Variants in CASZ1 observed in about 807,000 individuals in gnomAD.
CASZ1 encodes the protein castor zinc finger 1, also known as zinc finger protein castor homolog 1.
CASZ1 carries 28 observed loss-of-function variants against 135.2 expected under a neutral mutation model. The observed-to-expected ratio is 0.21, with a 90% CI of 0.15 to 0.28. The LOEUF (loss-of-function observed/expected upper bound fraction) is 0.28. CASZ1 is among the 10% of genes least tolerant of loss of function. CASZ1 has a pLI of 1.00. For synonymous variants in CASZ1, 1,068 were observed against 1,073.4 expected (o/e 0.99, Z 0.10); for missense variants, 2,161 against 2,453.3 (o/e 0.88, Z 2.52).
rs1640660934 is a variant in CASZ1, at chr1:10,776,323, C to T, written c.-233-15466G>A. Among the ~76,000 whole-genome samples the T allele has an allele frequency of 1.3e-5, 2 of 152,236 alleles. 1 individual carries two copies. The highest frequency in any genetic ancestry group is 2.9e-5 in the Non-Finnish European group (2 of 68,036). On this transcript the variant is annotated intron_variant, in intron 1 of 20. Transcript: ENST00000377022. This position sits in a 1 kb window ranked among gnomAD's most constrained non-coding sequence, Gnocchi z 4.1. ...ATCTCCATAGTAGTGGCTTCAAAAT[C>T]ATTCCTCCCAGGCTCTGCCCTTCCC...
intron 13 of CASZ1, chr1:10,649,794 A>C (rs1227572061): frequency 5.0e-5 from 9 of 181,534 alleles, no homozygotes; most frequent in East Asian, 2.7e-4. Flanking sequence ...TTTTCAAAAG[A>C]AGCGCAGAAG....
chr1:10,774,805 C>A lies in CASZ1; in HGVS notation c.-233-13948G>T, dbSNP rs904533364. Among the ~76,000 whole-genome samples the A allele has an allele frequency of 1.3e-5, 2 of 152,150 alleles. No homozygotes were observed. The highest frequency in any genetic ancestry group is 6.5e-5 in the Admixed American group (1 of 15,286). Reference sequence around the variant, plus strand: ...CCAGCGCCAAGTTCCCTGCAACCCACAAGCACAGTCCTGACACTCAGAGCT... The same window carrying A: ...CCAGCGCCAAGTTCCCTGCAACCCAAAAGCACAGTCCTGACACTCAGAGCT... On this transcript the variant is annotated intron_variant, in intron 1 of 20. Transcript: ENST00000377022. This position sits in a 1 kb window ranked among gnomAD's most constrained non-coding sequence, Gnocchi z 4.4.
chr1:10,643,058 G>C (rs920223923), intron 19 of CASZ1, 58 bp from the exon 20 acceptor site: 1 of 1,596,360 alleles, frequency 6.3e-7, no homozygotes, highest in African/African-American at 1.3e-5. Flanking sequence ...TGCCCACAGA[G>C]GGCAGGCTGA....
chr1:10,708,966 CGGGGAG>C (rs1459869503), intron 2 of CASZ1, among the ~76,000 whole-genome samples: 29 of 26,652 alleles, frequency 1.1e-3, no homozygotes, highest in East Asian at 5.7e-3. Context: ...GGATGGAGGA[CGGGGAG>C]GGGGGGGGCC....
At chr1:10,698,232 C>T (rs1351380137) in intron 3 of CASZ1, among the ~76,000 whole-genome samples, 1 of 152,222 alleles carries the variant, frequency 6.6e-6, no homozygotes, top group East Asian at 1.9e-4. Flanking sequence ...TCCGAAAGAG[C>T]TTCATTTCTT....
Position 10,709,471 on chromosome 1 carries a change from A to G in CASZ1, c.-76-3927T>C, listed in dbSNP as rs1036042694. On this transcript the variant is annotated intron_variant, in intron 2 of 20. Transcript: ENST00000377022. This position sits in a 1 kb window ranked among gnomAD's most constrained non-coding sequence, Gnocchi z 5.1. ...ATATTCTGTTTGGCCTCCTTCCTGT[A>G]TTGAGGAGCTGTCAGGAGCCCGAGT... is the stretch of plus-strand genomic sequence containing the variant. 6.6e-6 allele frequency among the ~76,000 whole-genome samples: 1 copy of G among 152,178 alleles called. No individual in the cohort carries two copies. The highest frequency in any genetic ancestry group is 1.5e-5 in the Non-Finnish European group (1 of 68,030).
chr1:10,643,731 C>A (rs563369912), intron 18 of CASZ1, among the ~76,000 whole-genome samples: 1 of 152,278 alleles, frequency 6.6e-6, no homozygotes, highest in South Asian at 2.1e-4. Flanking sequence ...CACGGGGCCT[C>A]GCTCTGGGCC....
chr1:10,787,696 C>A (rs1469022874), intron 1 of CASZ1, among the ~76,000 whole-genome samples: 1 of 152,108 alleles, frequency 6.6e-6, no homozygotes, highest in African/African-American at 2.4e-5. Context: ...CACCCAGAGA[C>A]CATCAGCAAA....
chr1:10,757,251 C>T lies in CASZ1; in HGVS notation c.-77+3450G>A, dbSNP rs550434141. ...AGGGGGCAGGAGAGAGAGGAGAAGA[C>T]ACAGAGCCACAAATCCGCGGGCACA... On this transcript the variant is annotated intron_variant, in intron 2 of 20. Coordinates refer to ENST00000377022, the MANE Select transcript of CASZ1 (RefSeq NM_001079843.3). This position sits in a 1 kb window ranked among gnomAD's most constrained non-coding sequence, Gnocchi z 4.6. Among the ~76,000 whole-genome samples, 1 of 152,174 alleles carries T rather than the reference C, an allele frequency of 6.6e-6. No homozygotes were observed. The highest frequency in any genetic ancestry group is 6.5e-5 in the Admixed American group (1 of 15,276).
intron 4 of CASZ1, among the ~76,000 whole-genome samples, chr1:10,693,584 C>A (rs984821431): frequency 6.8e-6 from 1 of 147,156 alleles, no homozygotes; most frequent in African/African-American, 2.5e-5. Flanking sequence ...AAAAACCCCA[C>A]AAAAACCCCC....
At chr1:10,695,774 G>A (rs1638920789) in intron 3 of CASZ1, among the ~76,000 whole-genome samples, 3 of 152,148 alleles carry the variant, frequency 2.0e-5, no homozygotes, top group Admixed American at 1.3e-4. Context: ...TGTCCCTGCT[G>A]CAGCCATATA....
chr1:10,706,727 T>C lies in CASZ1; in HGVS notation c.-76-1183A>G, dbSNP rs2100446723. The stretch of plus-strand genomic sequence containing the variant: ...GGCTGCCCGGGCAGAGGGTGCCCAC[T>C]GGGGCGGAGCCTGCCCTGCCAGATA... On this transcript the variant is annotated intron_variant, in intron 2 of 20. Coordinates refer to ENST00000377022, the MANE Select transcript of CASZ1 (RefSeq NM_001079843.3). The surrounding 1 kb of genome is among the most constrained non-coding windows in gnomAD (Gnocchi z 4.3). Among the ~76,000 whole-genome samples the C allele has an allele frequency of 6.6e-6, 1 of 152,292 alleles. No individual in the cohort carries two copies. The highest frequency in any genetic ancestry group is 6.5e-5 in the Admixed American group (1 of 15,308).
At chr1:10,715,967 A>C (rs1290968131) in intron 2 of CASZ1, among the ~76,000 whole-genome samples, 2 of 133,912 alleles carry the variant, frequency 1.5e-5, no homozygotes, top group African/African-American at 5.8e-5. Flanking sequence ...ACAGCACCCA[A>C]TCCGCTCCCC....
intron 2 of CASZ1, among the ~76,000 whole-genome samples, chr1:10,749,641 G>A (rs1438796233): frequency 2.6e-5 from 4 of 152,034 alleles, no homozygotes; most frequent in Admixed American, 1.3e-4. Flanking sequence ...AGGCGAATAC[G>A]GAGACTCTTG....
chr1:10,644,951 T>G lies in CASZ1; in HGVS notation c.3834A>C (p.Lys1278Asn), dbSNP rs1215539838. Residue 1278 changes from lysine (K) to asparagine (N), a missense_variant, in exon 18 of 21, where the codon AAA (lysine) becomes AAC (asparagine). Lys to Asn is a moderately conservative substitution (Grantham distance 94). This residue lies in a region of CASZ1 where 349 missense variants were observed against 460.8 expected (regional missense o/e 0.76). Transcript: ENST00000377022. ...KAERRAANGF[K>N]YFTKREECGR... is the part of the protein sequence containing the mutation. ...CACACTCCTCGCGCTTGGTGAAGTA[T>G]TTGAAGCCATTGGCTGCCCGCCGCT... is the stretch of plus-strand genomic sequence containing the variant. 18 of 1,613,796 alleles carry G rather than the reference T, an allele frequency of 1.1e-5. 1 individual carries two copies. Among genetic ancestry groups the G allele is most frequent in the Non-Finnish European group, 1.4e-5 (17 of 1,180,010 alleles).
chr1:10,665,593 C>T (rs776127531), intron 4 of CASZ1, 22 bp from the exon 5 acceptor site: 31 of 1,532,508 alleles, frequency 2.0e-5, no homozygotes, highest in African/African-American at 2.7e-5. Context: ...GAGGAGAGCA[C>T]GGAGGTCAGA....
intron 3 of CASZ1, among the ~76,000 whole-genome samples, chr1:10,703,953 C>A (rs1462863186): frequency 6.6e-6 from 1 of 152,182 alleles, no homozygotes; most frequent in Non-Finnish European, 1.5e-5. Flanking sequence ...AATGGAAGCA[C>A]TTGGGGCTGA....
rs1178516915 is a variant in CASZ1 at position 10,735,744 on chromosome 1, A to C, written c.-77+24957T>G. 6.6e-6 allele frequency among the ~76,000 whole-genome samples: 1 copy of C among 152,126 alleles called. No individual in the cohort carries two copies. Among genetic ancestry groups the C allele is most frequent in the African/African-American group, 2.4e-5 (1 of 41,422 alleles). ...CTTTTCAAGTCACGGGCATCTGCCTACCAAGGGACAGGCCCAGTGTCATCT... is the reference window on the plus strand; with the variant it reads ...CTTTTCAAGTCACGGGCATCTGCCTCCCAAGGGACAGGCCCAGTGTCATCT... On this transcript the variant is annotated intron_variant, in intron 2 of 20. Transcript: ENST00000377022. The surrounding 1 kb of genome is among the most constrained non-coding windows in gnomAD (Gnocchi z 5.1).
rs1030888323 is a variant in CASZ1 at position 10,706,860 on chromosome 1, C to A, written c.-76-1316G>T. 2.0e-5 allele frequency among the ~76,000 whole-genome samples: 3 copies of A among 149,786 alleles called. No homozygotes were observed. Among genetic ancestry groups the A allele is most frequent in the Non-Finnish European group, 4.5e-5 (3 of 67,354 alleles). ...AGATGATGAGAGGCGGGGGGGTCTG[C>A]AGAGAGCTGGGCGGACCCCTGAGAC... is the stretch of plus-strand genomic sequence containing the variant. On this transcript the variant is annotated intron_variant, in intron 2 of 20. Transcript: ENST00000377022. The surrounding 1 kb of genome is among the most constrained non-coding windows in gnomAD (Gnocchi z 4.3).
Sources: gnomAD v4.1 joint callset for allele counts (sites outside exome capture counted in the v4.1 genomes callset) on GRCh38, gnomAD v4.1.1 for gene constraint, gnomAD v4.1.1 regional missense constraint, Gnocchi (gnomAD v3.1) non-coding constraint, MANE v1.5 for transcripts, NCBI Gene and HGNC (gene_info 2026-07-23, HGNC 2026-07-21) for gene names.